The following PCBP3 variants were observed in gnomAD, a reference collection of about 807,000 sequenced individuals.
PCBP3 encodes the protein poly(rC)-binding protein 3.
PCBP3 carries 25 observed loss-of-function variants against 52.7 expected under a neutral mutation model. That is an observed-to-expected ratio of 0.47 (90% CI 0.35 to 0.66). The LOEUF (loss-of-function observed/expected upper bound fraction) is 0.66, where lower values mean the gene tolerates loss of function less well. Among genes scored for constraint, PCBP3 ranks in the 30% least tolerant of loss-of-function variants. The pLI is 0.01. For synonymous variants in PCBP3, 162 were observed against 183.0 expected, an observed-to-expected ratio of 0.89 and a Z score of 0.93; for missense variants, 391 against 490.3, an observed-to-expected ratio of 0.80 and a Z score of 1.91.
chr21:45,649,636 T>C (rs1603085845), intron 1 of PCBP3, among the ~76,000 whole-genome samples: 1 of 152,332 alleles, frequency 6.6e-6, no homozygotes, highest in Admixed American at 6.5e-5. Context: ...ATTTAATTTC[T>C]TTCTCCCTAG....
At chr21:45,854,598 T>C (rs962032544) in intron 5 of PCBP3, among the ~76,000 whole-genome samples, 1 of 152,230 alleles carries the variant, frequency 6.6e-6, no homozygotes, top group Non-Finnish European at 1.5e-5. Flanking sequence ...TGTCCTTCCT[T>C]TTGAAAGCTG....
intron 13 of PCBP3, among the ~76,000 whole-genome samples, chr21:45,924,970 G>A (rs375313967): frequency 1.6e-5 from 1 of 61,662 alleles, no homozygotes; most frequent in East Asian, 3.0e-4. Context: ...GGGAACAGTC[G>A]TGTGGGTAGA....
chr21:45,841,792 G>A (rs7280173), intron 4 of PCBP3, among the ~76,000 whole-genome samples: 25,568 of 152,186 alleles, frequency 0.17, 2,361 homozygotes, highest in Middle Eastern at 0.3. Flanking sequence ...CCTAGCCTCA[G>A]CAACCAAGAG....
chr21:45,807,896 A>G (rs1213639177), intron 4 of PCBP3, among the ~76,000 whole-genome samples: 2 of 152,204 alleles, frequency 1.3e-5, no homozygotes, highest in Non-Finnish European at 2.9e-5. Flanking sequence ...AATGCCAGAC[A>G]TCCACAACCA....
At chr21:45,868,526 C>T (rs1230035562) in intron 5 of PCBP3, among the ~76,000 whole-genome samples, 1 of 151,144 alleles carries the variant, frequency 6.6e-6, no homozygotes, top group Non-Finnish European at 1.5e-5. Flanking sequence ...GTTTAAATCG[C>T]CACTGAGCCT....
intron 2 of PCBP3, among the ~76,000 whole-genome samples, chr21:45,684,084 C>T (rs7275796): frequency 0.32 from 46,928 of 147,370 alleles, 8,675 homozygotes; most frequent in East Asian, 0.66. Context: ...AAAAAATTGC[C>T]GGGTGTGGTG....
chr21:45,931,726 G>A (rs890695450), intron 15 of PCBP3, among the ~76,000 whole-genome samples: 5 of 152,120 alleles, frequency 3.3e-5, no homozygotes, highest in East Asian at 1.9e-4. Context: ...CAAACACGTC[G>A]GCCGTGCCGT....
chr21:45,686,298 T>C (rs538830611), intron 2 of PCBP3, among the ~76,000 whole-genome samples: 16 of 152,288 alleles, frequency 1.1e-4, no homozygotes, highest in African/African-American at 3.8e-4. Flanking sequence ...GCATCCCTCC[T>C]GAACCACCAA....
intron 2 of PCBP3, among the ~76,000 whole-genome samples, chr21:45,728,398 A>G (rs2085214971): frequency 6.6e-6 from 1 of 152,222 alleles, no homozygotes; most frequent in South Asian, 2.1e-4. Flanking sequence ...TAGCTTTAAA[A>G]AACAATAGTA....
At chr21:45,782,653 C>T (rs2090728602) in intron 4 of PCBP3, among the ~76,000 whole-genome samples, 1 of 152,080 alleles carries the variant, frequency 6.6e-6, no homozygotes, top group African/African-American at 2.4e-5. Context: ...TCTAAAGCAT[C>T]AAAAGACATT....
At position 45,736,482 on chromosome 21, in the gene PCBP3, G is replaced by A. The variant is rs376483604; in HGVS notation, c.-162+1053G>A. On this transcript the variant is annotated intron_variant, in intron 3 of 17. Coordinates refer to ENST00000681687, the MANE Select transcript of PCBP3 (RefSeq NM_001384156.1). The surrounding 1 kb of genome is among the most constrained non-coding windows in gnomAD (Gnocchi z 4.6). ...CTGAGGAGACAGTGCTGCGGGCCCC[G>A]CCTACTAACTTCCAGAGATGTCAGC... 1.3e-5 allele frequency among the ~76,000 whole-genome samples: 2 copies of A among 152,176 alleles called. No individual in the cohort carries two copies. The highest frequency in any genetic ancestry group is 4.8e-5 in the African/African-American group (2 of 41,442).
rs1305584026 is a variant in PCBP3, at chr21:45,741,106, A to G, written c.-162+5677A>G. ...GCCCCAGAGCACTGGGAACCTAGGA[A>G]CAGACACAGGAGGGAGGGAAAGGAG... On this transcript the variant is annotated intron_variant, in intron 3 of 17. Coordinates refer to ENST00000681687, the MANE Select transcript of PCBP3 (RefSeq NM_001384156.1). This position sits in a 1 kb window ranked among gnomAD's most constrained non-coding sequence, Gnocchi z 4.5. 1.3e-5 allele frequency among the ~76,000 whole-genome samples: 2 copies of G among 152,186 alleles called. No individual in the cohort carries two copies. The highest frequency in any genetic ancestry group is 2.1e-4 in the South Asian group (1 of 4,822).
chr21:45,901,360 C>G (rs1316510063), intron 9 of PCBP3: 1 of 450,536 alleles, frequency 2.2e-6, no homozygotes, highest in Non-Finnish European at 4.1e-6. Context: ...AGGTCCACCT[C>G]CCTCAGCTTC....
chr21:45,768,373 T>C (rs761322180), intron 4 of PCBP3, among the ~76,000 whole-genome samples: 3 of 152,246 alleles, frequency 2.0e-5, no homozygotes, highest in Non-Finnish European at 4.4e-5. Context: ...TTGCTTACAG[T>C]AAATTCCTGA....
chr21:45,922,076 T>G (rs887160413), intron 13 of PCBP3, among the ~76,000 whole-genome samples: 1 of 152,112 alleles, frequency 6.6e-6, no homozygotes, highest in Non-Finnish European at 1.5e-5. Flanking sequence ...TCAGACCAAG[T>G]GCAGTTTCAG....
At chr21:45,777,548 A>G (rs1649186889) in intron 4 of PCBP3, among the ~76,000 whole-genome samples, 2 of 152,142 alleles carry the variant, frequency 1.3e-5, no homozygotes, top group Non-Finnish European at 2.9e-5. Flanking sequence ...GGGGATACTG[A>G]TATTTAGAAT....
At chr21:45,799,356 A>T (rs1388711497) in intron 4 of PCBP3, among the ~76,000 whole-genome samples, 1 of 152,218 alleles carries the variant, frequency 6.6e-6, no homozygotes, top group Non-Finnish European at 1.5e-5. Flanking sequence ...CCCATGGTAC[A>T]GTATAGTGAG....
At chr21:45,719,343 AG>A (rs1325387210) in intron 2 of PCBP3, among the ~76,000 whole-genome samples, 4 of 152,144 alleles carry the variant, frequency 2.6e-5, no homozygotes, top group Non-Finnish European at 5.9e-5. Flanking sequence ...AGTTAAAAGA[AG>A]ACAACTGAGG....
At chr21:45,919,709 A>T (rs2149363890) in intron 13 of PCBP3, among the ~76,000 whole-genome samples, 1 of 152,348 alleles carries the variant, frequency 6.6e-6, no homozygotes, top group Admixed American at 6.5e-5. Context: ...TGTAGACACC[A>T]GTGCCTGACC....
Sources: allele counts gnomAD v4.1 joint callset (sites outside exome capture counted in the v4.1 genomes callset), GRCh38; gene constraint gnomAD v4.1.1; non-coding constraint Gnocchi (gnomAD v3.1); transcripts MANE v1.5; gene names NCBI Gene and HGNC (gene_info 2026-07-23, HGNC 2026-07-21).